Variants in GNAO1 observed in about 807,000 individuals in gnomAD.
The protein encoded by GNAO1 is G protein subunit alpha o1.
For synonymous variants in GNAO1, 164 were observed against 180.7 expected, an observed-to-expected ratio of 0.91 and a Z score of 0.74; for missense variants, 166 against 478.7, an observed-to-expected ratio of 0.35 and a Z score of 6.10.
intron 3 of GNAO1, among the ~76,000 whole-genome samples, chr16:56,279,577 T>C (rs1192617670): frequency 6.6e-6 from 1 of 152,194 alleles, no homozygotes; most frequent in Non-Finnish European, 1.5e-5. Flanking sequence ...AAGGGCCCAC[T>C]ATGCTTCATC....
At chr16:56,260,205 G>T (rs1201274555) in intron 2 of GNAO1, among the ~76,000 whole-genome samples, 1 of 152,174 alleles carries the variant, frequency 6.6e-6, no homozygotes. Flanking sequence ...CCGCTACTCT[G>T]TTCTCCCAGG....
chr16:56,302,947 C>T (rs1051681469), intron 3 of GNAO1: 8 of 152,206 alleles, frequency 5.3e-5, no homozygotes, highest in African/African-American at 1.4e-4. Context: ...TCCACCTTAA[C>T]TTTTCTGGGA....
intron 3 of GNAO1, among the ~76,000 whole-genome samples, chr16:56,321,590 CAG>C (rs541459918): frequency 2.4e-4 from 37 of 152,182 alleles, no homozygotes; most frequent in Admixed American, 7.9e-4. Context: ...CCCCTAGAAT[CAG>C]GGGAGATTTA....
At chr16:56,212,230 G>A (rs1357864235) in intron 2 of GNAO1, among the ~76,000 whole-genome samples, 5 of 152,210 alleles carry the variant, frequency 3.3e-5, no homozygotes, top group African/African-American at 1.2e-4. Context: ...GTAGTCACAT[G>A]CGTTACCAAA....
chr16:56,192,600 A>T lies in GNAO1; in HGVS notation c.145A>T (p.Ile49Phe), dbSNP rs763223472. The change falls in exon 2 of 9, where the codon ATT becomes TTT. Residue 49 changes from isoleucine (I) to phenylalanine (F), a missense_variant. Physicochemically the swap from Ile to Phe is conservative, Grantham distance 21. Coordinates refer to ENST00000262493, the MANE Select transcript of GNAO1 (RefSeq NM_020988.3). ...GGCTGGAGAATCAGGAAAAAGCACCATTGTGAAGCAGATGAAGTAAGTCCC... is the reference window on the plus strand; with the variant it reads ...GGCTGGAGAATCAGGAAAAAGCACCTTTGTGAAGCAGATGAAGTAAGTCCC... ...LGAGESGKST[I>F]VKQMKIIHED... 1 of 1,596,878 alleles carries T rather than the reference A, an allele frequency of 6.3e-7. No individual in the cohort carries two copies. The highest frequency in any genetic ancestry group is 8.6e-7 in the Non-Finnish European group (1 of 1,166,018).
chr16:56,198,895 CTG>C (rs1241055105), intron 2 of GNAO1, among the ~76,000 whole-genome samples: 1 of 152,200 alleles, frequency 6.6e-6, no homozygotes, highest in Non-Finnish European at 1.5e-5. Flanking sequence ...ATATAACAAA[CTG>C]TGTTGTCATA....
chr16:56,192,171 G>A lies in GNAO1; in HGVS notation c.-65G>A. 1 of 887,248 alleles carries A rather than the reference G, an allele frequency of 1.1e-6. No individual in the cohort carries two copies. Among genetic ancestry groups the A allele is most frequent in the East Asian group, 2.6e-5 (1 of 37,998 alleles). 55.0% of individuals were successfully genotyped at this position (887,248 alleles called of 1,614,324 possible). A position where few individuals can be genotyped will look rare whatever the true frequency, so the allele number is the denominator to read the frequency against. ...AGGCTCTGCTCTCTGGGGGGGTGGG[G>A]GGCGCTCCAAGCCGGGGAGCCGTGC... On this transcript the variant is annotated 5_prime_UTR_variant, in exon 1 of 9. Transcript: ENST00000262493.
intron 4 of GNAO1, among the ~76,000 whole-genome samples, chr16:56,333,505 C>T (rs1453957186): frequency 2.0e-5 from 3 of 152,226 alleles, no homozygotes; most frequent in African/African-American, 4.8e-5. Context: ...CCACCGCACC[C>T]GGCTGCCAAG....
intron 6 of GNAO1, chr16:56,346,204 G>T: frequency 1.0e-6 from 1 of 985,516 alleles, no homozygotes; most frequent in Non-Finnish European, 1.2e-6. Flanking sequence ...CCCTGTGCAT[G>T]ACACCTGTCA....
intron 2 of GNAO1, among the ~76,000 whole-genome samples, chr16:56,256,716 C>CTGTGTGTG (rs1418939057): frequency 5.0e-3 from 450 of 90,300 alleles, no homozygotes; most frequent in African/African-American, 0.016. Flanking sequence ...CTCTCTCTCT[C>CTGTGTGTG]TCTGTGTGTG....
At chr16:56,192,520 T>A (rs1596787696) in intron 1 of GNAO1, 54 bp from the exon 2 acceptor site, 21 of 613,120 alleles carry the variant, frequency 3.4e-5, no homozygotes, top group Non-Finnish European at 5.5e-5. Context: ...CCCCTCCCCC[T>A]GTTCCCTTAA....
intron 3 of GNAO1, among the ~76,000 whole-genome samples, chr16:56,293,156 G>A (rs1373545045): frequency 6.6e-6 from 1 of 152,260 alleles, no homozygotes; most frequent in Non-Finnish European, 1.5e-5. Context: ...TCTATGAAAT[G>A]CCTAGCTGTG....
intron 3 of GNAO1, among the ~76,000 whole-genome samples, chr16:56,283,878 C>G (rs2037138339): frequency 6.6e-6 from 1 of 152,110 alleles, no homozygotes; most frequent in South Asian, 2.1e-4. Flanking sequence ...TCCATTCAAG[C>G]CCATCTCATT....
chr16:56,279,151 C>T (rs897373663), intron 3 of GNAO1, among the ~76,000 whole-genome samples: 17 of 152,264 alleles, frequency 1.1e-4, no homozygotes, highest in African/African-American at 3.9e-4. Context: ...CAGCCTTGCA[C>T]TCTCCACACA....
chr16:56,208,209 T>C (rs2036348185), intron 2 of GNAO1, among the ~76,000 whole-genome samples: 5 of 152,254 alleles, frequency 3.3e-5, no homozygotes, highest in Admixed American at 3.3e-4. Flanking sequence ...GGTATTCATT[T>C]TATGAATATT....
chr16:56,332,646 G>A (rs1376223739), intron 4 of GNAO1, among the ~76,000 whole-genome samples: 2 of 152,226 alleles, frequency 1.3e-5, no homozygotes, highest in African/African-American at 4.8e-5. Flanking sequence ...ATGGACAGCA[G>A]GTGCACAGTC....
intron 2 of GNAO1, among the ~76,000 whole-genome samples, chr16:56,211,585 A>G (rs756950977): frequency 1.7e-4 from 26 of 152,162 alleles, no homozygotes; most frequent in Non-Finnish European, 7.3e-5. Flanking sequence ...CTGCCCTTCT[A>G]CATAGTTCCC....
At chr16:56,223,904 T>G (rs1262876550) in intron 2 of GNAO1, among the ~76,000 whole-genome samples, 4 of 152,200 alleles carry the variant, frequency 2.6e-5, no homozygotes, top group African/African-American at 7.2e-5. Flanking sequence ...AGATGTTCAG[T>G]AAATGGATGT....
intron 2 of GNAO1, among the ~76,000 whole-genome samples, chr16:56,199,321 A>G (rs1351231677): frequency 2.0e-5 from 3 of 152,232 alleles, no homozygotes; most frequent in Admixed American, 6.5e-5. Context: ...TCATGCAGAC[A>G]TGGTTCTTAA....
Sources: allele counts gnomAD v4.1 joint callset (sites outside exome capture counted in the v4.1 genomes callset), GRCh38; gene constraint gnomAD v4.1.1; transcripts MANE v1.5; gene names NCBI Gene and HGNC (gene_info 2026-07-23, HGNC 2026-07-21).